Variants in GPS1 observed in about 807,000 individuals in gnomAD.
GPS1 encodes the protein G protein pathway suppressor 1.
In GPS1, 11 loss-of-function variants were observed where a neutral mutation model predicts 60.0. The ratio of observed to expected loss-of-function variants is 0.18; its 90% CI spans 0.12 to 0.30. The LOEUF is 0.30. Ranked by LOEUF, GPS1 falls within the 10% of genes least tolerant of loss-of-function variation. The pLI, the probability that GPS1 is intolerant of heterozygous loss-of-function variation, is 1.00. For synonymous variants in GPS1, 343 were observed against 269.8 expected, an observed-to-expected ratio of 1.27 and a Z score of -2.66; for missense variants, 543 against 669.2, an observed-to-expected ratio of 0.81 and a Z score of 2.08.
rs1246702361 is a variant in GPS1, at chr17:82,053,781, A to G, written c.127-87A>G. On this transcript the variant is annotated intron_variant, in intron 2 of 12. Coordinates refer to ENST00000578552, the MANE Select transcript of GPS1 (RefSeq NM_001321092.3). ...CCCAGGGCGACATTCTGGCTAGGAC[A>G]GTCAGGCCCCAACTCCTGACCCTCA... 6.0e-6 allele frequency: 8 copies of G among 1,323,586 alleles called. No homozygotes were observed. In the East Asian group the frequency reaches 9.5e-5, roughly 16 times the overall value. The allele number at this position is 1,323,586 out of a possible 1,614,324, so 82.0% of individuals were successfully genotyped here. A position where few individuals can be genotyped will look rare whatever the true frequency, so the allele number is the denominator to read the frequency against.
rs1262785617 is a variant in GPS1 at position 82,051,927 on chromosome 17, G to A, written c.-5G>A. 8.6e-6 allele frequency: 10 copies of A among 1,163,200 alleles called. No individual in the cohort carries two copies. Among genetic ancestry groups the A allele is most frequent in the Middle Eastern group, 3.1e-4 (1 of 3,188 alleles). The allele number at this position is 1,163,200 out of a possible 1,614,324, so 72.1% of individuals were successfully genotyped here. On this transcript the variant is annotated 5_prime_UTR_variant, in exon 1 of 13. Transcript: ENST00000578552. The surrounding 1 kb of genome is among the most constrained non-coding windows in gnomAD (Gnocchi z 4.1). ...GACGGCACGCCGCGGCGGGGTGGGT[G>A]CAAGATGCCGCTGCCGGTTCAGGTG...
At chr17:82,055,253 C>A in intron 6 of GPS1, 31 bp downstream of exon 6, 1 of 1,548,896 alleles carries the variant, frequency 6.5e-7, no homozygotes, top group South Asian at 1.2e-5. Context: ...CAGCTGACCC[C>A]ACGTTCCCCT....
chr17:82,053,146 C>T (rs1001955385), intron 1 of GPS1, 128 bp from the exon 2 acceptor site: 24 of 631,562 alleles, frequency 3.8e-5, no homozygotes, highest in Middle Eastern at 4.6e-4. Flanking sequence ...GGGACAGCAG[C>T]GGCGGGAGTG....
upstream of GPS1, chr17:82,051,344 TG>T (rs1416236193): frequency 1.4e-6 from 2 of 1,465,960 alleles, no homozygotes; most frequent in Non-Finnish European, 1.8e-6. The surrounding 1 kb of genome is among the most constrained non-coding windows in gnomAD (Gnocchi z 4.1). Context: ...GATAAACGTC[TG>T]GGGGAGAAAC....
Position 82,056,772 on chromosome 17 carries a change from TGTGGGCTGCGGGGCG to T in GPS1, c.1254+12_1254+26del. The T allele has an allele frequency of 6.3e-7, 1 of 1,597,576 alleles. No homozygotes were observed. Among genetic ancestry groups the T allele is most frequent in the Non-Finnish European group, 8.5e-7 (1 of 1,171,234 alleles). ...GTGTGGACTCACACAGCAAGGTGGC[TGTGGGCTGCGGGGCG>T]GTGGGGGCAGCTGGGGGTGAGCCTG... On this transcript the variant is annotated splice_region_variant and intron_variant, in intron 11 of 12. Coordinates refer to ENST00000578552, the MANE Select transcript of GPS1 (RefSeq NM_001321092.3).
chr17:82,057,101 C>T lies in GPS1; in HGVS notation c.1438C>T (p.Gln480Ter). Residue 480 changes from glutamine (Q) to a stop codon, truncating the protein, a stop_gained, in exon 13 of 13, where the codon CAG becomes TAG. Coordinates refer to ENST00000578552, the MANE Select transcript of GPS1 (RefSeq NM_001321092.3). LOFTEE classifies it high-confidence loss of function. ...GGGGGAGCTGACTCCAGCCAACAGC[C>T]AGTCCCGGATGAGCACCAACATGTG... ...SQGELTPANS[Q>*]SRMSTNM is the part of the protein sequence containing the mutation. 6.3e-7 allele frequency: 1 copy of T among 1,575,766 alleles called. No individual in the cohort carries two copies. Among genetic ancestry groups the T allele is most frequent in the Non-Finnish European group, 8.6e-7 (1 of 1,158,862 alleles).
chr17:82,056,731 G>A lies in GPS1; in HGVS notation c.1219G>A (p.Gly407Arg), dbSNP rs1390125858. 1 of 1,587,082 alleles carries A rather than the reference G, an allele frequency of 6.3e-7. No individual in the cohort carries two copies. The change falls in exon 11 of 13, where the codon GGG becomes AGG. Residue 407 changes from glycine (G) to arginine (R), a missense_variant. Physicochemically the swap from Gly to Arg is moderately radical, Grantham distance 125 (BLOSUM62 -2). Transcript: ENST00000578552. ...EDELTQLILEGLISARVDSHS... is the reference protein window; with the variant it reads ...EDELTQLILERLISARVDSHS... ...CGAGCTGACGCAGCTAATCCTGGAG[G>A]GGCTGATCAGTGCCCGTGTGGACTC...
chr17:82,051,385 G>A (rs2030550333), upstream of GPS1: 5 of 1,436,316 alleles, frequency 3.5e-6, no homozygotes, highest in Non-Finnish European at 4.5e-6. The surrounding 1 kb of genome is among the most constrained non-coding windows in gnomAD (Gnocchi z 4.1). Context: ...GCGCTGCCCA[G>A]GCCGGAGACC....
At chr17:82,051,090 G>C (rs556576082), upstream of GPS1, 1 of 1,369,162 alleles carries the variant, frequency 7.3e-7, no homozygotes, top group East Asian at 2.8e-5. This position sits in a 1 kb window ranked among gnomAD's most constrained non-coding sequence, Gnocchi z 4.1. Context: ...GAAGCGGCTA[G>C]TGTGAGAGGC....
chr17:82,056,929 C>T lies in GPS1; in HGVS notation c.1344C>T (p.Ala448=), dbSNP rs1421094741. 1.6e-5 allele frequency: 26 copies of T among 1,612,948 alleles called. No homozygotes were observed. The highest frequency in any genetic ancestry group is 2.1e-5 in the Non-Finnish European group (25 of 1,179,966). ...MGKEFQRRAK[A]MMLRAAVLRN... Reference sequence around the variant, plus strand: ...AGGAGTTCCAGCGCCGCGCCAAGGCCATGATGCTGCGGGCAGCTGTGCTCC... The same window carrying T: ...AGGAGTTCCAGCGCCGCGCCAAGGCTATGATGCTGCGGGCAGCTGTGCTCC... The change falls in exon 12 of 13, where the codon GCC becomes GCT. Residue 448 remains alanine, a synonymous_variant. Coordinates refer to ENST00000578552, the MANE Select transcript of GPS1 (RefSeq NM_001321092.3).
At chr17:82,052,715 A>C in intron 1 of GPS1, 1 of 520,094 alleles carries the variant, frequency 1.9e-6, no homozygotes. Flanking sequence ...GCTTTGTGTT[A>C]AGCCGAGGTC....
Position 82,057,433 on chromosome 17 carries a change from C to A in GPS1, c.*306C>A. 1.7e-6 allele frequency: 1 copy of A among 585,900 alleles called. No homozygotes were observed. Among genetic ancestry groups the A allele is most frequent in the Non-Finnish European group, 3.2e-6 (1 of 308,428 alleles). 36.3% of individuals were successfully genotyped at this position (585,900 alleles called of 1,614,324 possible). ...TGTTCCCGCCTCAGTCAGGTGCAGA[C>A]AAGTGGGCGGTGTCCATTAAAGAGC... On this transcript the variant is annotated 3_prime_UTR_variant, in exon 13 of 13. Coordinates refer to ENST00000578552, the MANE Select transcript of GPS1 (RefSeq NM_001321092.3).
Position 82,054,893 on chromosome 17 carries a change from G to C in GPS1, c.610-5G>C. ...GGCTCACTTGGCTCTGCGCCCCCCC[G>C]CCAGGTCAGCGTCTACTTGCAGAAT... On this transcript the variant is annotated splice_region_variant and splice_polypyrimidine_tract_variant and intron_variant, in intron 4 of 12. Transcript: ENST00000578552. 1 of 1,576,980 alleles carries C rather than the reference G, an allele frequency of 6.3e-7. No individual in the cohort carries two copies. Among genetic ancestry groups the C allele is most frequent in the Non-Finnish European group, 8.6e-7 (1 of 1,158,782 alleles).
rs374306479 is a variant in GPS1 at position 82,052,726 on chromosome 17, C to T, written c.34-548C>T. Reference sequence around the variant, plus strand: ...GCCTGCTTTGTGTTAAGCCGAGGTCCTGGCTTCTCTGTGTCTCCCAGCTGG... The same window carrying T: ...GCCTGCTTTGTGTTAAGCCGAGGTCTTGGCTTCTCTGTGTCTCCCAGCTGG... On this transcript the variant is annotated intron_variant, in intron 1 of 12. Transcript: ENST00000578552. The T allele has an allele frequency of 4.7e-4, 233 of 496,106 alleles. 1 individual carries two copies. The highest frequency in any genetic ancestry group is 3.9e-3 in the African/African-American group (203 of 51,848). 30.7% of individuals were successfully genotyped at this position (496,106 alleles called of 1,614,324 possible).
rs571082007 is a variant in GPS1, at chr17:82,055,659, G to A, written c.749-81G>A. On this transcript the variant is annotated intron_variant, in intron 6 of 12. Coordinates refer to ENST00000578552, the MANE Select transcript of GPS1 (RefSeq NM_001321092.3). The stretch of plus-strand genomic sequence containing the variant: ...CCGGCTGGTGGTCGCGTTCTCCCTG[G>A]TTTCCAGGCGTTAGCGGCTTCCCCA... 223 of 977,392 alleles carry A rather than the reference G, an allele frequency of 2.3e-4. No homozygotes were observed. The African/African-American group carries it at 3.4e-3, about 15-fold the overall frequency. The allele number at this position is 977,392 out of a possible 1,614,324, so 60.5% of individuals were successfully genotyped here.
chr17:82,053,700 G>A (rs569805151), intron 2 of GPS1, 168 bp from the exon 3 acceptor site: 20 of 689,668 alleles, frequency 2.9e-5, no homozygotes, highest in Middle Eastern at 4.1e-4. Flanking sequence ...AGCGGTCTTC[G>A]TAGCTCCTGG....
chr17:82,056,272 G>A lies in GPS1; in HGVS notation c.930-14G>A. 1.9e-6 allele frequency: 3 copies of A among 1,565,250 alleles called. No homozygotes were observed. The highest frequency in any genetic ancestry group is 1.8e-6 in the Non-Finnish European group (2 of 1,136,530). On this transcript the variant is annotated splice_polypyrimidine_tract_variant and intron_variant, in intron 8 of 12. Transcript: ENST00000578552. ...CAGGCAGAGGACAGAGTTCTGAGGG[G>A]TCTGCCTCACCAGCTCCTTCAAGTT... is the stretch of plus-strand genomic sequence containing the variant.
chr17:82,052,169 C>T lies in GPS1; in HGVS notation c.33+205C>T, dbSNP rs1478077833. ...GCTGCGCGCTGCGATCGGGGGCCGC[C>T]GGGCCGCGCCCGCCCCGCCTCCCCT... On this transcript the variant is annotated intron_variant, in intron 1 of 12. Transcript: ENST00000578552. 4.0e-6 allele frequency: 5 copies of T among 1,246,338 alleles called. No homozygotes were observed. The African/African-American group carries it at 6.3e-5, about 16-fold the overall frequency. The allele number at this position is 1,246,338 out of a possible 1,614,324, so 77.2% of individuals were successfully genotyped here. A position where few individuals can be genotyped will look rare whatever the true frequency, so the allele number is the denominator to read the frequency against.
In GPS1 at chr17:82,056,772, T is replaced by C. The variant is rs1258436363; in HGVS notation, c.1254+6T>C. 1.1e-5 allele frequency: 18 copies of C among 1,597,458 alleles called. No individual in the cohort carries two copies. Among genetic ancestry groups the C allele is most frequent in the Non-Finnish European group, 1.5e-5 (17 of 1,171,242 alleles). Reference sequence around the variant, plus strand: ...GTGTGGACTCACACAGCAAGGTGGCTGTGGGCTGCGGGGCGGTGGGGGCAG... The same window carrying C: ...GTGTGGACTCACACAGCAAGGTGGCCGTGGGCTGCGGGGCGGTGGGGGCAG... On this transcript the variant is annotated splice_donor_region_variant and intron_variant, in intron 11 of 12. Transcript: ENST00000578552.
Sources: allele counts gnomAD v4.1 joint callset, GRCh38; gene constraint gnomAD v4.1.1; non-coding constraint Gnocchi (gnomAD v3.1); transcripts MANE v1.5; gene names NCBI Gene and HGNC (gene_info 2026-07-23, HGNC 2026-07-21).